The following GPHN variants were observed in gnomAD, a reference collection of about 807,000 sequenced individuals.
GPHN encodes gephyrin.
GPHN carries 17 observed loss-of-function variants against 95.5 expected under a neutral mutation model. The ratio of observed to expected loss-of-function variants is 0.18; its 90% CI spans 0.12 to 0.27. The LOEUF (loss-of-function observed/expected upper bound fraction) is 0.27, where lower values mean the gene tolerates loss of function less well. GPHN is among the 10% of genes least tolerant of loss of function. The pLI is 1.00. For synonymous variants in GPHN, 320 were observed against 322.5 expected (o/e 0.99, Z 0.08); for missense variants, 660 against 978.1 (o/e 0.67, Z 4.34).
chr14:66,851,996 A>G (rs1429931764), intron 4 of GPHN, among the ~76,000 whole-genome samples: 3 of 152,206 alleles, frequency 2.0e-5, no homozygotes, highest in Non-Finnish European at 4.4e-5. Context: ...ATAACTGAGA[A>G]TAAGGGTTGC....
intron 3 of GPHN, among the ~76,000 whole-genome samples, chr14:66,790,918 A>G (rs1201262993): frequency 6.6e-6 from 1 of 152,250 alleles, no homozygotes; most frequent in Admixed American, 6.5e-5. Context: ...ACCAACAGCC[A>G]TCAGCAAAGA....
At chr14:67,230,656 A>G in the GPHN span, among the ~76,000 whole-genome samples, 1,610 of 152,336 alleles carry the variant, frequency 0.011, 28 homozygotes, top group African/African-American at 0.036. Context: ...ACTCGTACAC[A>G]AAGAGTCATA....
At chr14:67,020,323 C>G (rs2073543964) in intron 9 of GPHN, among the ~76,000 whole-genome samples, 1 of 152,058 alleles carries the variant, frequency 6.6e-6, no homozygotes, top group Non-Finnish European at 1.5e-5. Flanking sequence ...TCAATTGTAC[C>G]TCCCATAATG....
chr14:67,218,481 T>C, the GPHN span, among the ~76,000 whole-genome samples: 1 of 152,102 alleles, frequency 6.6e-6, no homozygotes, highest in African/African-American at 2.4e-5. Context: ...AGGCCTGATA[T>C]GTGGATACAG....
chr14:67,722,738 A>G, the GPHN span: 1 of 1,585,584 alleles, frequency 6.3e-7, no homozygotes. Flanking sequence ...AACTCAAACA[A>G]TCGTTTACAA....
intron 2 of GPHN, chr14:66,760,527 T>G: frequency 3.8e-6 from 1 of 264,480 alleles, no homozygotes; most frequent in East Asian, 1.0e-4. Flanking sequence ...CCACGCGGGT[T>G]CAACATGCAT....
chr14:67,405,009 G>A, the GPHN span, among the ~76,000 whole-genome samples: 1,817 of 151,732 alleles, frequency 0.012, 18 homozygotes, highest in Non-Finnish European at 0.018. Context: ...CAAAGTAGGC[G>A]GGTCACCTGA....
At chr14:67,514,232 C>T in the GPHN span, among the ~76,000 whole-genome samples, 3 of 152,136 alleles carry the variant, frequency 2.0e-5, no homozygotes, top group South Asian at 2.1e-4. Context: ...AGCCAAACAC[C>T]CCCAGGGAAA....
At chr14:67,540,501 C>G in the GPHN span, among the ~76,000 whole-genome samples, 12 of 152,016 alleles carry the variant, frequency 7.9e-5, no homozygotes, top group East Asian at 2.3e-3. Context: ...ATGGTGCACG[C>G]CTGTAATCCA....
the GPHN span, among the ~76,000 whole-genome samples, chr14:67,702,262 C>T: frequency 1.3e-5 from 2 of 152,108 alleles, no homozygotes; most frequent in African/African-American, 2.4e-5. Flanking sequence ...AGCCACCATG[C>T]CTGGCCTGTG....
Position 66,792,257 on chromosome 14 carries a change from G to A in GPHN, c.201+15736G>A, listed in dbSNP as rs560556892. On this transcript the variant is annotated intron_variant, in intron 3 of 22. Transcript: ENST00000478722. ...CCTTATTTAAGATGGAGTCACTCAG[G>A]TTCAAACACCTCTGACAGGAGGATC... 1.5e-4 allele frequency among the ~76,000 whole-genome samples: 23 copies of A among 152,076 alleles called. No homozygotes were observed. In the South Asian group the frequency reaches 3.9e-3, roughly 26 times the overall value.
intron 6 of GPHN, among the ~76,000 whole-genome samples, chr14:66,918,452 G>A (rs892652120): frequency 2.2e-4 from 33 of 152,160 alleles, no homozygotes; most frequent in African/African-American, 7.7e-4. Flanking sequence ...GGGAGTATGA[G>A]TATATATCCA....
intron 4 of GPHN, among the ~76,000 whole-genome samples, chr14:66,862,483 A>G (rs752923325): frequency 3.3e-5 from 5 of 152,120 alleles, no homozygotes; most frequent in Admixed American, 1.3e-4. Context: ...AACTCATTCT[A>G]TGAGACCAGT....
rs111906175 is a variant in GPHN, at chr14:66,646,066, T to A, written c.65-35041T>A. Among the ~76,000 whole-genome samples the A allele has an allele frequency of 3.7e-3, 555 of 151,818 alleles. 12 individuals carry two copies. Among genetic ancestry groups the A allele is most frequent in the African/African-American group, 0.013 (529 of 41,394 alleles). ...GATTAGAATCCCATCATTTAAAGAGTGACAATTTAGTTACAAAAGATTAAA... is the reference window on the plus strand; with the variant it reads ...GATTAGAATCCCATCATTTAAAGAGAGACAATTTAGTTACAAAAGATTAAA... On this transcript the variant is annotated intron_variant, in intron 1 of 22. Transcript: ENST00000478722.
rs201011247 is a variant in GPHN at position 66,905,992 on chromosome 14, CTTT to C, written c.390-9997_390-9995del. 3.3e-3 allele frequency among the ~76,000 whole-genome samples: 448 copies of C among 134,442 alleles called. 8 individuals carry two copies. Among genetic ancestry groups the C allele is most frequent in the African/African-American group, 0.012 (421 of 36,302 alleles). 88.2% of individuals were successfully genotyped at this position (134,442 alleles called of 152,430 possible). ...AATTCAGGATATATTTGATTCGAGG[CTTT>C]TTTTTTTTTTTTTACCACTTCCCCA... On this transcript the variant is annotated intron_variant, in intron 5 of 22. Coordinates refer to ENST00000478722, the MANE Select transcript of GPHN (RefSeq NM_020806.5).
chr14:66,557,025 G>A (rs576273301), intron 1 of GPHN, among the ~76,000 whole-genome samples: 11 of 151,800 alleles, frequency 7.2e-5, no homozygotes, highest in African/African-American at 1.2e-4. Context: ...TGACAAGACC[G>A]TTTCTATACA....
intron 9 of GPHN, among the ~76,000 whole-genome samples, chr14:67,006,629 T>C (rs552008240): frequency 6.6e-6 from 1 of 152,282 alleles, no homozygotes; most frequent in African/African-American, 2.4e-5. Context: ...TGTGTAATGC[T>C]TGACAAAGAA....
chr14:67,579,351 C>T, the GPHN span: 19 of 1,422,798 alleles, frequency 1.3e-5, no homozygotes, highest in African/African-American at 7.2e-5. Flanking sequence ...AGTCTTCTCA[C>T]GTCACCATCC....
At chr14:67,697,367 G>A in the GPHN span, among the ~76,000 whole-genome samples, 1 of 152,168 alleles carries the variant, frequency 6.6e-6, no homozygotes, top group South Asian at 2.1e-4. Context: ...ACATAGACAA[G>A]AGTGTGCTGA....
Sources: gnomAD v4.1 joint callset for allele counts (sites outside exome capture counted in the v4.1 genomes callset) on GRCh38, gnomAD v4.1.1 for gene constraint, MANE v1.5 for transcripts, NCBI Gene and HGNC (gene_info 2026-07-23, HGNC 2026-07-21) for gene names.